CNTNAP5: variants seen among roughly 807,000 people sequenced by gnomAD.
CNTNAP5 encodes the protein contactin-associated protein-like 5.
CNTNAP5 carries 72 observed loss-of-function variants against 150.2 expected under a neutral mutation model. The ratio of observed to expected loss-of-function variants is 0.48; its 90% CI spans 0.40 to 0.58. CNTNAP5 has a LOEUF of 0.58. Among genes scored for constraint, CNTNAP5 ranks in the 20% least tolerant of loss-of-function variants. The pLI is 0.00. For missense variants in CNTNAP5, 1,636 were observed against 1,626.2 expected (o/e 1.01, Z -0.10); for synonymous variants, 672 against 619.8 (o/e 1.08, Z -1.25).
intron 1 of CNTNAP5, among the ~76,000 whole-genome samples, chr2:124,156,041 A>G (rs1420206231): frequency 6.6e-6 from 1 of 152,246 alleles, no homozygotes; most frequent in Non-Finnish European, 1.5e-5. Context: ...TGCATCTAAA[A>G]AAGGGTTCAG....
At chr2:124,690,651 A>T (rs1679282536) in intron 13 of CNTNAP5, among the ~76,000 whole-genome samples, 1 of 151,926 alleles carries the variant, frequency 6.6e-6, no homozygotes, top group Non-Finnish European at 1.5e-5. Flanking sequence ...CACTTCCCCT[A>T]ACCATCCAAG....
chr2:124,706,023 C>T (rs990668405), intron 13 of CNTNAP5, among the ~76,000 whole-genome samples: 1 of 152,152 alleles, frequency 6.6e-6, no homozygotes, highest in Non-Finnish European at 1.5e-5. Flanking sequence ...GGTCTCATCT[C>T]TCCTACCTGA....
intron 3 of CNTNAP5, among the ~76,000 whole-genome samples, chr2:124,254,023 G>T (rs1687248677): frequency 1.3e-5 from 2 of 152,028 alleles, no homozygotes; most frequent in African/African-American, 4.8e-5. Context: ...CTTACTGATG[G>T]TTTCACCCTG....
intron 21 of CNTNAP5, among the ~76,000 whole-genome samples, chr2:124,879,163 A>G (rs770399096): frequency 1.3e-5 from 2 of 152,026 alleles, no homozygotes; most frequent in African/African-American, 2.4e-5. Flanking sequence ...CACCCCAGAC[A>G]TTACCACTGT....
rs778677999 is a variant in CNTNAP5 at position 124,255,360 on chromosome 2, TA to T, written c.381+12972del. Among the ~76,000 whole-genome samples, 14 of 151,712 alleles carry T rather than the reference TA, an allele frequency of 9.2e-5. No individual in the cohort carries two copies. The South Asian group carries it at 2.7e-3, about 29-fold the overall frequency. ...CAACATGGTGAAACTCCATCTTTACTAAAAATACAAAAATTTAGCCGGGTGT... is the reference window on the plus strand; with the variant it reads ...CAACATGGTGAAACTCCATCTTTACTAAAATACAAAAATTTAGCCGGGTGT... On this transcript the variant is annotated intron_variant, in intron 3 of 23. Coordinates refer to ENST00000682447, the MANE Select transcript of CNTNAP5 (RefSeq NM_001367498.1).
chr2:124,105,605 A>C (rs1683156192), intron 1 of CNTNAP5, among the ~76,000 whole-genome samples: 1 of 152,282 alleles, frequency 6.6e-6, no homozygotes, highest in East Asian at 1.9e-4. Context: ...CTAGATTTTT[A>C]AAATTTTAAC....
chr2:124,254,399 G>T (rs753276522), intron 3 of CNTNAP5, among the ~76,000 whole-genome samples: 2 of 152,162 alleles, frequency 1.3e-5, no homozygotes, highest in Non-Finnish European at 2.9e-5. Context: ...TGCTGGTAAG[G>T]GGGGCAGTCT....
At chr2:124,345,565 A>C (rs745361884) in intron 3 of CNTNAP5, among the ~76,000 whole-genome samples, 5 of 152,184 alleles carry the variant, frequency 3.3e-5, no homozygotes, top group Admixed American at 6.5e-5. Context: ...AAATAAAATA[A>C]TGTTGTGGGT....
chr2:124,375,250 G>GA (rs76490001), intron 3 of CNTNAP5, among the ~76,000 whole-genome samples: 37 of 149,544 alleles, frequency 2.5e-4, no homozygotes, highest in Non-Finnish European at 4.3e-4. Flanking sequence ...TAATTACAAA[G>GA]AAAAAAAAAC....
At chr2:124,062,299 C>T (rs1682031151) in intron 1 of CNTNAP5, among the ~76,000 whole-genome samples, 1 of 152,194 alleles carries the variant, frequency 6.6e-6, no homozygotes. Context: ...TCCTCCCTCA[C>T]AATCTACTCC....
chr2:124,573,528 G>A (rs772804110), intron 11 of CNTNAP5, among the ~76,000 whole-genome samples: 1 of 152,208 alleles, frequency 6.6e-6, no homozygotes, highest in Non-Finnish European at 1.5e-5. Context: ...TGTAAGTGAA[G>A]ATAATTAACT....
At chr2:124,233,562 G>A (rs1686675358) in intron 2 of CNTNAP5, among the ~76,000 whole-genome samples, 2 of 152,016 alleles carry the variant, frequency 1.3e-5, no homozygotes. Context: ...CAAGGAGGAT[G>A]GAATTACCAT....
At chr2:124,148,621 A>C (rs116237377) in intron 1 of CNTNAP5, among the ~76,000 whole-genome samples, 1 of 148,554 alleles carries the variant, frequency 6.7e-6, no homozygotes, top group African/African-American at 2.5e-5. Flanking sequence ...ATTCAAGGAA[A>C]CTATTGATAA....
chr2:124,550,029 A>G (rs1695594335), intron 10 of CNTNAP5, among the ~76,000 whole-genome samples: 1 of 152,192 alleles, frequency 6.6e-6, no homozygotes, highest in African/African-American at 2.4e-5. Context: ...ATTCCCAATT[A>G]AAGTTCACAG....
At chr2:124,401,179 A>G (rs1691415427) in intron 3 of CNTNAP5, among the ~76,000 whole-genome samples, 1 of 152,122 alleles carries the variant, frequency 6.6e-6, no homozygotes. Flanking sequence ...TATCTCTTAC[A>G]CTTAACACAG....
At chr2:124,802,932 G>A (rs1281728323) in intron 19 of CNTNAP5, among the ~76,000 whole-genome samples, 1 of 151,942 alleles carries the variant, frequency 6.6e-6, no homozygotes, top group Non-Finnish European at 1.5e-5. Flanking sequence ...AGATCATCCT[G>A]GCTAACACGG....
At chr2:124,337,491 G>A (rs1689502937) in intron 3 of CNTNAP5, among the ~76,000 whole-genome samples, 1 of 152,102 alleles carries the variant, frequency 6.6e-6, no homozygotes, top group African/African-American at 2.4e-5. Flanking sequence ...TTCTTCTAGG[G>A]TTTTTATGGT....
Position 124,747,329 on chromosome 2 carries a change from C to T in CNTNAP5, c.2178C>T (p.Asp726=), listed in dbSNP as rs35749633. The T allele has an allele frequency of 0.015, 23,877 of 1,613,768 alleles. 212 individuals carry two copies. The highest frequency in any genetic ancestry group is 0.017 in the Non-Finnish European group (20,236 of 1,179,752). The change falls in exon 14 of 24, where the codon GAC becomes GAT. Residue 726 remains aspartate, a synonymous_variant. Transcript: ENST00000682447. ...PGVQQCECGL[D]ESCLDIQHFC... ...TCCAGCAGTGTGAGTGTGGCCTAGACGAGAGCTGCCTGGACATTCAGCACT... is the reference window on the plus strand; with the variant it reads ...TCCAGCAGTGTGAGTGTGGCCTAGATGAGAGCTGCCTGGACATTCAGCACT...
intron 1 of CNTNAP5, among the ~76,000 whole-genome samples, chr2:124,104,820 C>T (rs1451356379): frequency 1.3e-5 from 2 of 152,178 alleles, no homozygotes; most frequent in Non-Finnish European, 2.9e-5. Context: ...GCATAGGAGC[C>T]TATCATGCTG....
Sources: allele counts gnomAD v4.1 joint callset (sites outside exome capture counted in the v4.1 genomes callset), GRCh38; gene constraint gnomAD v4.1.1; transcripts MANE v1.5; gene names NCBI Gene and HGNC (gene_info 2026-07-23, HGNC 2026-07-21).